ARHGAP24: variants seen among roughly 807,000 people sequenced by gnomAD.
ARHGAP24 encodes the protein Rho GTPase activating protein 24, also known as rho GTPase-activating protein 24.
Under a neutral mutation model 76.4 loss-of-function variants are expected in ARHGAP24, and 50 were observed. The ratio of observed to expected loss-of-function variants is 0.65; its 90% CI spans 0.52 to 0.83. ARHGAP24 has a LOEUF of 0.83. Among genes scored for constraint, ARHGAP24 ranks in the 40% least tolerant of loss-of-function variants. ARHGAP24 has a pLI of 0.00. For synonymous variants in ARHGAP24, 345 were observed against 323.3 expected, an observed-to-expected ratio of 1.07 and a Z score of -0.72; for missense variants, 930 against 914.2, an observed-to-expected ratio of 1.02 and a Z score of -0.22.
At position 86,000,471 on chromosome 4, in the gene ARHGAP24, C is replaced by CCTTT; in HGVS notation, c.2004-8_2004-7insCTTT. On this transcript the variant is annotated splice_region_variant and splice_polypyrimidine_tract_variant and intron_variant, in intron 9 of 9. Transcript: ENST00000395184. ...CCCACCCCCCACCCCCCCCAACATC[C>CCTTT]TTTGTAGCTTAGAACAGCGAAACTT... 1 of 1,140,832 alleles carries CCTTT rather than the reference C, an allele frequency of 8.8e-7. No individual in the cohort carries two copies. The highest frequency in any genetic ancestry group is 1.2e-5 in the South Asian group (1 of 83,950). The allele number at this position is 1,140,832 out of a possible 1,614,324, so 70.7% of individuals were successfully genotyped here. A position where few individuals can be genotyped will look rare whatever the true frequency, so the allele number is the denominator to read the frequency against.
At chr4:85,734,430 C>A (rs1340819973) in intron 3 of ARHGAP24, among the ~76,000 whole-genome samples, 1 of 152,054 alleles carries the variant, frequency 6.6e-6, no homozygotes, top group East Asian at 1.9e-4. Context: ...AAAAGTGGTA[C>A]ACCAATGCTT....
intron 4 of ARHGAP24, among the ~76,000 whole-genome samples, chr4:85,939,712 A>T (rs1424071807): frequency 2.6e-5 from 4 of 152,164 alleles, no homozygotes; most frequent in Non-Finnish European, 5.9e-5. Flanking sequence ...GGGAAAAAAA[A>T]ATCCCGAAAG....
At chr4:85,511,607 C>T (rs1393169738) in intron 1 of ARHGAP24, among the ~76,000 whole-genome samples, 2 of 152,084 alleles carry the variant, frequency 1.3e-5, no homozygotes, top group Non-Finnish European at 2.9e-5. Flanking sequence ...GGATTACAGG[C>T]ATGCGCCACT....
intron 3 of ARHGAP24, among the ~76,000 whole-genome samples, chr4:85,876,365 T>C (rs1252468390): frequency 6.6e-6 from 1 of 152,182 alleles, no homozygotes; most frequent in East Asian, 1.9e-4. Context: ...GGAAGGAAAC[T>C]TGAAGCAATC....
chr4:85,968,123 TG>T (rs1234140268), intron 5 of ARHGAP24, among the ~76,000 whole-genome samples: 3 of 152,056 alleles, frequency 2.0e-5, no homozygotes, highest in African/African-American at 7.2e-5. Context: ...GAGGACTCCT[TG>T]GGCCAGTTTC....
At chr4:85,879,714 A>G (rs1354781674) in intron 3 of ARHGAP24, among the ~76,000 whole-genome samples, 1 of 151,972 alleles carries the variant, frequency 6.6e-6, no homozygotes, top group African/African-American at 2.4e-5. Flanking sequence ...ATGTAATTTA[A>G]TTAAATTATA....
At chr4:85,611,526 T>A (rs13123541) in intron 2 of ARHGAP24, among the ~76,000 whole-genome samples, 1 of 152,108 alleles carries the variant, frequency 6.6e-6, no homozygotes, top group Non-Finnish European at 1.5e-5. Flanking sequence ...CTTTCTTTTT[T>A]AAAAAATTTT....
intron 2 of ARHGAP24, among the ~76,000 whole-genome samples, chr4:85,692,966 T>C (rs1335254636): frequency 6.6e-6 from 1 of 152,186 alleles, no homozygotes; most frequent in Admixed American, 6.5e-5. Flanking sequence ...GTATAGTCAA[T>C]TGTATTCATT....
chr4:85,847,841 A>G (rs1453757879), intron 3 of ARHGAP24, among the ~76,000 whole-genome samples: 1 of 152,150 alleles, frequency 6.6e-6, no homozygotes, highest in Non-Finnish European at 1.5e-5. Flanking sequence ...TCCAAATACA[A>G]TCACCCATCC....
intron 1 of ARHGAP24, among the ~76,000 whole-genome samples, chr4:85,545,140 C>T (rs1015842357): frequency 7.9e-5 from 12 of 151,860 alleles, no homozygotes; most frequent in Non-Finnish European, 1.6e-4. Context: ...TTACTTGTCG[C>T]CCAGGCTGGA....
chr4:85,511,847 G>A (rs1724299197), intron 1 of ARHGAP24, among the ~76,000 whole-genome samples: 1 of 152,146 alleles, frequency 6.6e-6, no homozygotes, highest in African/African-American at 2.4e-5. Flanking sequence ...GAAGCCTGTG[G>A]GGGAATCCTT....
chr4:85,979,702 A>G (rs1488724054), intron 8 of ARHGAP24, among the ~76,000 whole-genome samples: 1 of 152,120 alleles, frequency 6.6e-6, no homozygotes, highest in Non-Finnish European at 1.5e-5. Flanking sequence ...CTGCTTAGGA[A>G]CCCAATGGTA....
At chr4:85,642,565 A>C (rs1164663765) in intron 2 of ARHGAP24, among the ~76,000 whole-genome samples, 1 of 123,790 alleles carries the variant, frequency 8.1e-6, no homozygotes, top group Non-Finnish European at 1.6e-5. Context: ...GTCACGCTTG[A>C]CTCTTCTTTC....
intron 1 of ARHGAP24, among the ~76,000 whole-genome samples, chr4:85,561,514 T>C (rs908059556): frequency 2.0e-5 from 2 of 98,266 alleles, no homozygotes; most frequent in African/African-American, 6.1e-5. Context: ...CTGTTTTCTT[T>C]AGTTAGCAGT....
At chr4:85,647,498 C>G (rs186076227) in intron 2 of ARHGAP24, among the ~76,000 whole-genome samples, 10 of 152,066 alleles carry the variant, frequency 6.6e-5, no homozygotes, top group Non-Finnish European at 1.5e-4. Flanking sequence ...AGTCCTGACT[C>G]TACCCCTCAC....
At chr4:85,569,982 A>C (rs767029905) in intron 1 of ARHGAP24, among the ~76,000 whole-genome samples, 4 of 152,112 alleles carry the variant, frequency 2.6e-5, no homozygotes, top group Non-Finnish European at 5.9e-5. Context: ...TGTTTATAGA[A>C]ATTCCTTCTT....
chr4:85,733,060 C>CCTTTTTTTTTTT (rs1460021134), intron 3 of ARHGAP24, among the ~76,000 whole-genome samples: 7 of 55,216 alleles, frequency 1.3e-4, no homozygotes, highest in Non-Finnish European at 1.9e-4. Context: ...GCCTCACCAA[C>CCTTTTTTTTTTT]TTTTTTTTTT....
intron 2 of ARHGAP24, among the ~76,000 whole-genome samples, chr4:85,663,499 A>G (rs915153739): frequency 6.0e-4 from 90 of 149,636 alleles, no homozygotes; most frequent in African/African-American, 2.2e-3. Context: ...TCCTAATTGA[A>G]TACCCTTGAT....
intron 2 of ARHGAP24, among the ~76,000 whole-genome samples, chr4:85,707,237 G>C (rs1246732303): frequency 1.3e-5 from 2 of 152,082 alleles, no homozygotes; most frequent in South Asian, 2.1e-4. Context: ...TTTAAATTCA[G>C]ATTTCTTTGC....
Sources: allele counts gnomAD v4.1 joint callset (sites outside exome capture counted in the v4.1 genomes callset), GRCh38; gene constraint gnomAD v4.1.1; transcripts MANE v1.5; gene names NCBI Gene and HGNC (gene_info 2026-07-23, HGNC 2026-07-21).